DDAH1: variants seen among roughly 807,000 people sequenced by gnomAD.
DDAH1 encodes the protein dimethylarginine dimethylaminohydrolase 1.
DDAH1 carries 19 observed loss-of-function variants against 28.8 expected under a neutral mutation model. That is an observed-to-expected ratio of 0.66 (90% CI 0.46 to 0.97). DDAH1 has a LOEUF of 0.97. Among genes scored for constraint, DDAH1 ranks in the 50% least tolerant of loss-of-function variants. The pLI is 0.00. For synonymous variants in DDAH1, 153 were observed against 154.4 expected (o/e 0.99, Z 0.07); for missense variants, 326 against 375.9 (o/e 0.87, Z 1.10).
intron 1 of DDAH1, among the ~76,000 whole-genome samples, chr1:85,548,530 A>G (rs1658694181): frequency 6.6e-6 from 1 of 152,218 alleles, no homozygotes; most frequent in African/African-American, 2.4e-5. Flanking sequence ...TTAAAGAAGA[A>G]TCTCATATCT....
intron 1 of DDAH1, among the ~76,000 whole-genome samples, chr1:85,432,818 G>C (rs574044320): frequency 6.6e-6 from 1 of 152,198 alleles, no homozygotes; most frequent in South Asian, 2.1e-4. Flanking sequence ...TTTAATTCTG[G>C]TATTTCAGCA....
At chr1:85,496,977 G>C (rs540327109) in intron 1 of DDAH1, among the ~76,000 whole-genome samples, 34 of 152,262 alleles carry the variant, frequency 2.2e-4, no homozygotes, top group African/African-American at 8.2e-4. Flanking sequence ...AGGAACAAAG[G>C]CTATTTACAG....
chr1:85,482,967 G>A (rs1412379874), intron 2 of DDAH1, among the ~76,000 whole-genome samples: 1 of 152,206 alleles, frequency 6.6e-6, no homozygotes, highest in Non-Finnish European at 1.5e-5. Flanking sequence ...GCTCACGCCT[G>A]TAATCCCAAC....
intron 1 of DDAH1, among the ~76,000 whole-genome samples, chr1:85,439,329 A>AC (rs1015344736): frequency 1.3e-5 from 2 of 152,180 alleles, no homozygotes; most frequent in African/African-American, 4.8e-5. Flanking sequence ...ATCAAATATC[A>AC]CCCTGGGAAG....
intron 2 of DDAH1, among the ~76,000 whole-genome samples, chr1:85,474,655 A>T (rs955011335): frequency 1.3e-5 from 2 of 152,208 alleles, no homozygotes; most frequent in African/African-American, 4.8e-5. Context: ...TAATCCAAGG[A>T]GCTCTTGGCA....
intron 1 of DDAH1, among the ~76,000 whole-genome samples, chr1:85,428,881 T>C (rs1018809572): frequency 6.6e-6 from 1 of 152,096 alleles, no homozygotes; most frequent in South Asian, 2.1e-4. Flanking sequence ...TAAGAATCTG[T>C]GGCCATATGG....
At chr1:85,381,613 G>A (rs529697169) in intron 1 of DDAH1, among the ~76,000 whole-genome samples, 1 of 151,934 alleles carries the variant, frequency 6.6e-6, no homozygotes, top group South Asian at 2.1e-4. Context: ...TATACAATGA[G>A]TATTTTTCCT....
At chr1:85,538,278 A>G (rs1473134862) in intron 1 of DDAH1, among the ~76,000 whole-genome samples, 1 of 152,228 alleles carries the variant, frequency 6.6e-6, no homozygotes, top group Non-Finnish European at 1.5e-5. Flanking sequence ...ATGGTATGGA[A>G]AGAAATAATT....
At chr1:85,520,225 C>A (rs1657634228) in intron 1 of DDAH1, among the ~76,000 whole-genome samples, 1 of 151,972 alleles carries the variant, frequency 6.6e-6, no homozygotes, top group Admixed American at 6.6e-5. Flanking sequence ...AGATATTTAC[C>A]TTTTTTAATT....
intron 1 of DDAH1, among the ~76,000 whole-genome samples, chr1:85,445,506 G>A (rs1008176505): frequency 5.3e-5 from 8 of 152,154 alleles, no homozygotes; most frequent in African/African-American, 1.7e-4. Context: ...GACGGTTAAC[G>A]TAAAAAGCAA....
intron 1 of DDAH1, among the ~76,000 whole-genome samples, chr1:85,502,696 G>T (rs902673094): frequency 5.9e-5 from 9 of 152,180 alleles, no homozygotes; most frequent in Non-Finnish European, 1.2e-4. Flanking sequence ...TTTCTGCAGT[G>T]CTGCAGCCAC....
intron 2 of DDAH1, among the ~76,000 whole-genome samples, chr1:85,487,865 G>C (rs989399752): frequency 2.6e-5 from 4 of 151,846 alleles, no homozygotes; most frequent in South Asian, 2.1e-4. Context: ...GTACACATTG[G>C]CACTCTTTTC....
Position 85,321,258 on chromosome 1 carries a change from C to T in DDAH1, c.*194G>A. On this transcript the variant is annotated 3_prime_UTR_variant, in exon 6 of 6. Transcript: ENST00000284031. ...TTGCTTAATTCATTTAGCAAATCCA[C>T]AGCTTAGGTACCACCTCGAGGGGAG... The T allele has an allele frequency of 7.6e-6, 4 of 523,590 alleles. No homozygotes were observed. Among genetic ancestry groups the T allele is most frequent in the Non-Finnish European group, 1.4e-5 (4 of 292,418 alleles). 32.4% of individuals were successfully genotyped at this position (523,590 alleles called of 1,614,324 possible).
At chr1:85,470,329 T>C (rs1029031254) in intron 2 of DDAH1, among the ~76,000 whole-genome samples, 1 of 152,198 alleles carries the variant, frequency 6.6e-6, no homozygotes, top group African/African-American at 2.4e-5. Context: ...GAAAGGGGTT[T>C]CCCCTTATAA....
intron 1 of DDAH1, among the ~76,000 whole-genome samples, chr1:85,421,690 T>C (rs1331078198): frequency 6.6e-6 from 1 of 152,254 alleles, no homozygotes; most frequent in Non-Finnish European, 1.5e-5. Context: ...ATTGGAATCA[T>C]ACAGTATGTA....
chr1:85,464,166 T>C lies in DDAH1; in HGVS notation c.303+577A>G, dbSNP rs552484284. 6.6e-6 allele frequency among the ~76,000 whole-genome samples: 1 copy of C among 152,234 alleles called. No homozygotes were observed. Among genetic ancestry groups the C allele is most frequent in the East Asian group, 1.9e-4 (1 of 5,180 alleles). The stretch of plus-strand genomic sequence containing the variant: ...AGCACAGCTCACCAACAAAACACTT[T>C]TCCTTCCATTCATTCACTTACTAGT... On this transcript the variant is annotated intron_variant, in intron 1 of 5. Transcript: ENST00000284031. This position sits in a 1 kb window ranked among gnomAD's most constrained non-coding sequence, Gnocchi z 4.4.
chr1:85,341,658 C>CA (rs1184976836), intron 4 of DDAH1, among the ~76,000 whole-genome samples: 1 of 151,980 alleles, frequency 6.6e-6, no homozygotes, highest in African/African-American at 2.4e-5. Flanking sequence ...ACTAAAAATA[C>CA]AAAAAATCAG....
chr1:85,563,533 T>C (rs1055448898), intron 1 of DDAH1, among the ~76,000 whole-genome samples: 3 of 150,968 alleles, frequency 2.0e-5, no homozygotes, highest in Admixed American at 6.6e-5. Context: ...TTGAAAGCAT[T>C]AAACAGTTTC....
chr1:85,381,092 G>C (rs1406748007), intron 1 of DDAH1, among the ~76,000 whole-genome samples: 3 of 151,808 alleles, frequency 2.0e-5, no homozygotes, highest in Non-Finnish European at 4.4e-5. Flanking sequence ...ACAAAAATTA[G>C]CCGGGCGTGG....
Sources: gnomAD v4.1 joint callset for allele counts (sites outside exome capture counted in the v4.1 genomes callset) on GRCh38, gnomAD v4.1.1 for gene constraint, Gnocchi (gnomAD v3.1) non-coding constraint, MANE v1.5 for transcripts, NCBI Gene and HGNC (gene_info 2026-07-23, HGNC 2026-07-21) for gene names.